The following SNX13 variants were observed in gnomAD, a reference collection of about 807,000 sequenced individuals.
SNX13 encodes the protein sorting nexin-13.
In SNX13, 45 loss-of-function variants were observed where a neutral mutation model predicts 133.6. The ratio of observed to expected loss-of-function variants is 0.34; its 90% CI spans 0.27 to 0.43. The LOEUF (loss-of-function observed/expected upper bound fraction) is 0.43. Ranked by LOEUF, SNX13 falls within the 20% of genes least tolerant of loss-of-function variation. The pLI is 1.00. For synonymous variants in SNX13, 414 were observed against 373.9 expected (o/e 1.11, Z -1.24); for missense variants, 1,032 against 1,145.1 (o/e 0.90, Z 1.43).
chr7:17,822,952 A>T (rs1371290551), intron 17 of SNX13, among the ~76,000 whole-genome samples: 2 of 152,108 alleles, frequency 1.3e-5, no homozygotes, highest in Non-Finnish European at 2.9e-5. Context: ...CATGATCTTG[A>T]CATTTCTTGT....
chr7:17,822,132 T>C (rs1029846507), intron 17 of SNX13, among the ~76,000 whole-genome samples: 1 of 152,166 alleles, frequency 6.6e-6, no homozygotes, highest in African/African-American at 2.4e-5. Context: ...CGGGATAACA[T>C]TTATCTTCTG....
chr7:17,835,245 ACT>A (rs1693768392), intron 13 of SNX13, among the ~76,000 whole-genome samples: 1 of 151,914 alleles, frequency 6.6e-6, no homozygotes, highest in Non-Finnish European at 1.5e-5. Flanking sequence ...CATAGGAAAC[ACT>A]GTCATTAGGA....
At chr7:17,864,432 C>T (rs998533950) in intron 9 of SNX13, among the ~76,000 whole-genome samples, 6 of 151,974 alleles carry the variant, frequency 3.9e-5, no homozygotes, top group Non-Finnish European at 7.4e-5. Context: ...AAAGGAAGAA[C>T]CGAGCTAAGA....
chr7:17,866,890 A>G (rs1258795510), intron 9 of SNX13, among the ~76,000 whole-genome samples: 1 of 152,216 alleles, frequency 6.6e-6, no homozygotes, highest in Admixed American at 6.5e-5. Context: ...GAAGTGATAA[A>G]TGCTGATCTG....
rs1786410375 is a variant in SNX13 at position 17,814,369 on chromosome 7, T to C, written c.2064+465A>G. On this transcript the variant is annotated intron_variant, in intron 20 of 25. Coordinates refer to ENST00000428135, the MANE Select transcript of SNX13 (RefSeq NM_015132.5). ...CTACCTAATTTAAGCACTTATTTAC[T>C]GTCTTACCTTACGATTTTATTCCAA... 2.0e-5 allele frequency among the ~76,000 whole-genome samples: 3 copies of C among 152,290 alleles called. No individual in the cohort carries two copies. The South Asian group carries it at 6.2e-4, about 32-fold the overall frequency.
chr7:17,858,180 T>C (rs984465647), intron 9 of SNX13, among the ~76,000 whole-genome samples: 2 of 152,076 alleles, frequency 1.3e-5, no homozygotes, highest in Non-Finnish European at 2.9e-5. Flanking sequence ...CTACCCAGAG[T>C]AATTAGGCAA....
intron 5 of SNX13, chr7:17,880,486 T>C (rs1795214450): frequency 6.6e-6 from 1 of 152,238 alleles, no homozygotes; most frequent in African/African-American, 2.4e-5. Flanking sequence ...TTTGATTATC[T>C]GTCTCCTCTA....
chr7:17,938,565 G>T (rs1186975925), intron 1 of SNX13, among the ~76,000 whole-genome samples: 1 of 152,186 alleles, frequency 6.6e-6, no homozygotes, highest in East Asian at 1.9e-4. Context: ...CTTATAAGTT[G>T]TGCAGTGTTC....
At chr7:17,819,759 A>G (rs867643467) in intron 18 of SNX13, among the ~76,000 whole-genome samples, 1 of 152,222 alleles carries the variant, frequency 6.6e-6, no homozygotes, top group African/African-American at 2.4e-5. Context: ...TCTTATTTAC[A>G]GATACTTAAT....
intron 12 of SNX13, among the ~76,000 whole-genome samples, chr7:17,840,985 T>G (rs1038179160): frequency 6.6e-6 from 1 of 151,974 alleles, no homozygotes; most frequent in African/African-American, 2.4e-5. Context: ...CAGCTACCAT[T>G]CCCCACTCTC....
intron 1 of SNX13, among the ~76,000 whole-genome samples, chr7:17,915,664 C>T (rs1200061344): frequency 1.3e-5 from 2 of 152,086 alleles, no homozygotes; most frequent in East Asian, 1.9e-4. Flanking sequence ...AGCTAACCTA[C>T]AACTACCACA....
chr7:17,845,549 AAG>A (rs780684016), intron 12 of SNX13, 44 bp downstream of exon 12: 3 of 1,281,412 alleles, frequency 2.3e-6, no homozygotes, highest in Non-Finnish European at 3.2e-6. Context: ...AAAATCGAAA[AAG>A]AAATTCAATG....
chr7:17,861,317 TAC>T (rs756762812), intron 9 of SNX13, among the ~76,000 whole-genome samples: 6 of 147,070 alleles, frequency 4.1e-5, no homozygotes, highest in Admixed American at 6.9e-5. Flanking sequence ...TTATCACACA[TAC>T]AGTTATCACA....
intron 1 of SNX13, among the ~76,000 whole-genome samples, chr7:17,938,531 A>C (rs1337422593): frequency 6.6e-6 from 1 of 152,234 alleles, no homozygotes; most frequent in Non-Finnish European, 1.5e-5. Context: ...GGCAACTGCC[A>C]AGGTTGGAAT....
In SNX13 at chr7:17,832,387, C is replaced by G. The variant is rs910756972; in HGVS notation, c.1597+1665G>C. ...ATTACTTCCACAGAATATATTGCTA[C>G]TATCACCAGTTTAAATTACACATTA... On this transcript the variant is annotated intron_variant, in intron 15 of 25. Transcript: ENST00000428135. 4.1e-6 allele frequency: 4 copies of G among 984,408 alleles called. No homozygotes were observed. The South Asian group carries it at 1.9e-4, about 46-fold the overall frequency. 61.0% of individuals were successfully genotyped at this position (984,408 alleles called of 1,614,324 possible).
chr7:17,930,469 A>T (rs1181386740), intron 1 of SNX13, among the ~76,000 whole-genome samples: 1 of 152,206 alleles, frequency 6.6e-6, no homozygotes, highest in Non-Finnish European at 1.5e-5. Flanking sequence ...TAGTATAAAG[A>T]TAATCTTTCA....
Position 17,821,666 on chromosome 7 carries a change from T to C in SNX13, c.1706-18A>G, listed in dbSNP as rs776373623. On this transcript the variant is annotated intron_variant, in intron 17 of 25. Transcript: ENST00000428135. The stretch of plus-strand genomic sequence containing the variant: ...ACAAACGCCTGCCACAGCATATGGG[T>C]CATAGTCAGCATATACTAATCATTT... The C allele has an allele frequency of 6.2e-7, 1 of 1,609,858 alleles. No homozygotes were observed. The highest frequency in any genetic ancestry group is 1.1e-5 in the South Asian group (1 of 90,344).
At chr7:17,847,177 C>T (rs771309869) in intron 11 of SNX13, among the ~76,000 whole-genome samples, 3 of 152,190 alleles carry the variant, frequency 2.0e-5, no homozygotes, top group South Asian at 2.1e-4. Flanking sequence ...CTTTCTTCTA[C>T]GCTCATTTGC....
At chr7:17,887,048 T>C (rs549416939) in intron 5 of SNX13, among the ~76,000 whole-genome samples, 8 of 150,764 alleles carry the variant, frequency 5.3e-5, no homozygotes, top group African/African-American at 1.2e-4. Flanking sequence ...GCAACAATAA[T>C]AACAGAGAAG....
Sources: allele counts gnomAD v4.1 joint callset (sites outside exome capture counted in the v4.1 genomes callset), GRCh38; gene constraint gnomAD v4.1.1; transcripts MANE v1.5; gene names NCBI Gene and HGNC (gene_info 2026-07-23, HGNC 2026-07-21).